Variants in PCBD2 observed in about 807,000 individuals in gnomAD.
The protein encoded by PCBD2 is pterin-4 alpha-carbinolamine dehydratase 2.
Under a neutral mutation model 16.4 loss-of-function variants are expected in PCBD2, and 12 were observed. The observed-to-expected ratio is 0.73, with a 90% CI of 0.47 to 1.19. The LOEUF (loss-of-function observed/expected upper bound fraction) is 1.19, where lower values mean the gene tolerates loss of function less well. PCBD2 is among the 50% of genes most tolerant of loss of function. PCBD2 has a pLI of 0.00. For synonymous variants in PCBD2, 58 were observed against 61.8 expected (o/e 0.94, Z 0.29); for missense variants, 138 against 156.8 (o/e 0.88, Z 0.64).
intron 2 of PCBD2, among the ~76,000 whole-genome samples, chr5:134,940,774 T>C (rs1368195085): frequency 1.3e-5 from 2 of 151,836 alleles, no homozygotes; most frequent in African/African-American, 4.8e-5. Flanking sequence ...AGGGGCTGAG[T>C]GTGGAGGTTG....
chr5:134,905,399 A>G (rs1451472711), intron 1 of PCBD2, 176 bp downstream of exon 1: 6 of 472,832 alleles, frequency 1.3e-5, no homozygotes, highest in Admixed American at 9.1e-5. Flanking sequence ...TGCGCCGCTC[A>G]GAGACCGGGG....
Position 134,960,355 on chromosome 5 carries a change from A to G in PCBD2, c.298-231A>G, listed in dbSNP as rs577269134. ...CTGCATTGCCTCTTCATGGAAGAGA[A>G]CTTTTTATTTCAAGGTGGCTGTTGA... On this transcript the variant is annotated intron_variant, in intron 3 of 3. Coordinates refer to ENST00000254908, the MANE Select transcript of PCBD2 (RefSeq NM_032151.5). Among the ~76,000 whole-genome samples the G allele has an allele frequency of 2.0e-5, 3 of 152,292 alleles. No homozygotes were observed. The South Asian group carries it at 6.2e-4, about 32-fold the overall frequency.
intron 2 of PCBD2, among the ~76,000 whole-genome samples, chr5:134,938,778 A>C (rs1050186759): frequency 2.6e-5 from 4 of 152,212 alleles, no homozygotes; most frequent in Non-Finnish European, 4.4e-5. Flanking sequence ...CAGGTTTTAA[A>C]ATATTGCATT....
chr5:134,961,852 C>A lies in PCBD2; in HGVS notation c.*1171C>A, dbSNP rs1288940365. On this transcript the variant is annotated 3_prime_UTR_variant, in exon 4 of 4. Coordinates refer to ENST00000254908, the MANE Select transcript of PCBD2 (RefSeq NM_032151.5). ...TCACGGTTTATTGCAGCCTTAACCT[C>A]CTGGGCTCAAGCAGTTCTCCCTCCT... Among the ~76,000 whole-genome samples the A allele has an allele frequency of 6.6e-6, 1 of 151,818 alleles. No homozygotes were observed. The highest frequency in any genetic ancestry group is 6.6e-5 in the Admixed American group (1 of 15,252).
chr5:134,925,622 G>T, intron 2 of PCBD2: 1 of 397,706 alleles, frequency 2.5e-6, no homozygotes, highest in Non-Finnish European at 4.4e-6. Flanking sequence ...ATAGCGCCTA[G>T]GCATAGTGTG....
intron 2 of PCBD2, among the ~76,000 whole-genome samples, chr5:134,947,425 G>A (rs1580892417): frequency 8.8e-6 from 1 of 113,610 alleles, no homozygotes; most frequent in Non-Finnish European, 1.7e-5. Flanking sequence ...ACGGAGTCTC[G>A]CTCTGTCACC....
chr5:134,915,737 C>A (rs796805301), intron 2 of PCBD2, among the ~76,000 whole-genome samples: 4 of 152,014 alleles, frequency 2.6e-5, no homozygotes, highest in Admixed American at 2.6e-4. Flanking sequence ...AGGCATGAGC[C>A]GCTGCACCAG....
chr5:134,959,347 A>T (rs1240271661), intron 3 of PCBD2, among the ~76,000 whole-genome samples: 1 of 152,230 alleles, frequency 6.6e-6, no homozygotes, highest in African/African-American at 2.4e-5. Flanking sequence ...TGAAGCTAAT[A>T]TGAGAAAGTT....
rs1409217157 is a variant in PCBD2, at chr5:134,962,306, C to T, written c.*1625C>T. On this transcript the variant is annotated 3_prime_UTR_variant, in exon 4 of 4. Transcript: ENST00000254908. The stretch of plus-strand genomic sequence containing the variant: ...ACAGGGTCTTACTATGTTGCCATGG[C>T]TGGTCTAGAACTTCTGGGCTCGAGT... 6.6e-6 allele frequency among the ~76,000 whole-genome samples: 1 copy of T among 152,134 alleles called. No homozygotes were observed. The highest frequency in any genetic ancestry group is 1.5e-5 in the Non-Finnish European group (1 of 68,036).
chr5:134,924,125 G>T, intron 2 of PCBD2: 1 of 398,172 alleles, frequency 2.5e-6, no homozygotes, highest in Admixed American at 4.4e-5. Flanking sequence ...CAAGAATAAT[G>T]ATGTATGCTT....
chr5:134,942,807 A>C (rs1751245217), intron 2 of PCBD2, among the ~76,000 whole-genome samples: 1 of 152,154 alleles, frequency 6.6e-6, no homozygotes, highest in Non-Finnish European at 1.5e-5. Context: ...CAGCCCAGCC[A>C]AGTCATACAG....
rs969028620 is a variant in PCBD2 at position 134,946,429 on chromosome 5, G to A, written c.217-12611G>A. Among the ~76,000 whole-genome samples, 8 of 152,134 alleles carry A rather than the reference G, an allele frequency of 5.3e-5. No individual in the cohort carries two copies. In the East Asian group the frequency reaches 5.8e-4, roughly 11 times the overall value. On this transcript the variant is annotated intron_variant, in intron 2 of 3. Coordinates refer to ENST00000254908, the MANE Select transcript of PCBD2 (RefSeq NM_032151.5). ...TTTCTTCCATGGACACATTGCTGCCGTTTATCACTGAAGTTCCTCTGTGGA... is the reference window on the plus strand; with the variant it reads ...TTTCTTCCATGGACACATTGCTGCCATTTATCACTGAAGTTCCTCTGTGGA...
At chr5:134,921,736 A>T (rs1750906227) in intron 2 of PCBD2, among the ~76,000 whole-genome samples, 2 of 152,160 alleles carry the variant, frequency 1.3e-5, no homozygotes, top group South Asian at 4.1e-4. Context: ...GTTACCAAGA[A>T]CTGGTCAGTC....
intron 2 of PCBD2, among the ~76,000 whole-genome samples, chr5:134,918,541 G>T (rs60824788): frequency 0.01 from 1,556 of 152,222 alleles, 23 homozygotes; most frequent in African/African-American, 0.036. Context: ...ATGTCGTTTT[G>T]ATTTGAAAGT....
At chr5:134,926,385 G>A in intron 2 of PCBD2, 1 of 384,094 alleles carries the variant, frequency 2.6e-6, no homozygotes, top group Non-Finnish European at 4.6e-6. Flanking sequence ...TTTTATTAGG[G>A]TTAATGAGGG....
Position 134,940,314 on chromosome 5 carries a change from G to A in PCBD2, c.217-18726G>A, listed in dbSNP as rs374293193. 2.6e-5 allele frequency among the ~76,000 whole-genome samples: 4 copies of A among 152,250 alleles called. No homozygotes were observed. The East Asian group carries it at 5.8e-4, about 22-fold the overall frequency. On this transcript the variant is annotated intron_variant, in intron 2 of 3. Coordinates refer to ENST00000254908, the MANE Select transcript of PCBD2 (RefSeq NM_032151.5). ...GCAAGTAACTGCTGCCGTCCCTGCC[G>A]GCTCCAACCCTGTTGGTCTCCTGAG...
At chr5:134,926,981 G>A in intron 2 of PCBD2, 1 of 398,466 alleles carries the variant, frequency 2.5e-6, no homozygotes, top group Non-Finnish European at 4.4e-6. Flanking sequence ...CTATTAGTGG[G>A]AGTAGGGTTT....
chr5:134,924,906 A>G (rs77696426), intron 2 of PCBD2: 6 of 390,040 alleles, frequency 1.5e-5, no homozygotes, highest in Non-Finnish European at 2.7e-5. Flanking sequence ...AGTAAAATGT[A>G]TACAGTGGGG....
chr5:134,926,952 G>C (rs898623405), intron 2 of PCBD2: 10 of 398,408 alleles, frequency 2.5e-5, no homozygotes, highest in African/African-American at 1.4e-4. Context: ...AGTGAGGCTT[G>C]CTAGAAGTCA....
Sources: gnomAD v4.1 joint callset for allele counts (sites outside exome capture counted in the v4.1 genomes callset) on GRCh38, gnomAD v4.1.1 for gene constraint, MANE v1.5 for transcripts, NCBI Gene and HGNC (gene_info 2026-07-23, HGNC 2026-07-21) for gene names.